SBK1: variants seen among roughly 807,000 people sequenced by gnomAD.
SBK1 encodes serine/threonine-protein kinase SBK1.
SBK1 carries 11 observed loss-of-function variants against 24.4 expected under a neutral mutation model. The ratio of observed to expected loss-of-function variants is 0.45; its 90% CI spans 0.28 to 0.75. The LOEUF is 0.75. Ranked by LOEUF, SBK1 falls within the 30% of genes least tolerant of loss-of-function variation. The pLI is 0.12. For missense variants in SBK1, 467 were observed against 620.5 expected, an observed-to-expected ratio of 0.75 and a Z score of 2.63; for synonymous variants, 308 against 284.4, an observed-to-expected ratio of 1.08 and a Z score of -0.83.
chr16:28,262,069 A>G (rs1474694135), intron 1 of SBK1, among the ~76,000 whole-genome samples: 3 of 152,196 alleles, frequency 2.0e-5, no homozygotes, highest in African/African-American at 7.2e-5. Flanking sequence ...AGCTAAAAAT[A>G]CTGAGTGATG....
intron 1 of SBK1, among the ~76,000 whole-genome samples, chr16:28,303,078 A>C (rs1202238094): frequency 1.3e-5 from 2 of 149,756 alleles, no homozygotes; most frequent in East Asian, 4.0e-4. Flanking sequence ...AGGCAGAAGG[A>C]CTTGCCCCCA....
chr16:28,308,249 C>A (rs1022871772), intron 1 of SBK1, among the ~76,000 whole-genome samples: 1 of 152,120 alleles, frequency 6.6e-6, no homozygotes, highest in African/African-American at 2.4e-5. Context: ...CTCCCGGGTT[C>A]GTGCAATTCT....
At chr16:28,285,632 C>T (rs967116249) in intron 1 of SBK1, 2 of 152,220 alleles carry the variant, frequency 1.3e-5, no homozygotes, top group South Asian at 2.1e-4. Context: ...TCCTTGGTGC[C>T]GTCCCGAGGG....
chr16:28,281,888 G>C (rs1346691590), intron 1 of SBK1, among the ~76,000 whole-genome samples: 1 of 152,094 alleles, frequency 6.6e-6, no homozygotes, highest in Admixed American at 6.5e-5. Flanking sequence ...CAAATGGACC[G>C]GGCTGGGAAG....
At chr16:28,258,762 T>A (rs1291043300), upstream of SBK1, 1 of 152,238 alleles carries the variant, frequency 6.6e-6, no homozygotes, top group Non-Finnish European at 1.5e-5. Flanking sequence ...ACTCCAGGGG[T>A]CAGAACTTTT....
In SBK1 at chr16:28,322,400, G is replaced by A. The variant is rs2044857916; in HGVS notation, c.*1479G>A. The A allele has an allele frequency of 6.5e-6, 1 of 152,712 alleles. No individual in the cohort carries two copies. The highest frequency in any genetic ancestry group is 1.5e-5 in the Non-Finnish European group (1 of 68,152). The allele number at this position is 152,712 out of a possible 1,614,324, so 9.5% of individuals were successfully genotyped here. The stretch of plus-strand genomic sequence containing the variant: ...GGACCCCCGCAATAAGCACCACATG[G>A]GTGAGGCTGTCCCTGTCAGGGTCCC... On this transcript the variant is annotated 3_prime_UTR_variant, in exon 4 of 4. Coordinates refer to ENST00000341901, the MANE Select transcript of SBK1 (RefSeq NM_001024401.3).
At chr16:28,281,892 T>G (rs989684390) in intron 1 of SBK1, among the ~76,000 whole-genome samples, 1 of 151,914 alleles carries the variant, frequency 6.6e-6, no homozygotes, top group Non-Finnish European at 1.5e-5. Flanking sequence ...TGGACCGGGC[T>G]GGGAAGAGCC....
In SBK1 at chr16:28,292,637, G is replaced by T. The variant is rs2044608663; in HGVS notation, c.-671G>T. ...CCGGGCCAGGCCGGGGGCCGGGAGCGCAGGGCCGGGCTGCTCGTAGCGGCG... is the reference window on the plus strand; with the variant it reads ...CCGGGCCAGGCCGGGGGCCGGGAGCTCAGGGCCGGGCTGCTCGTAGCGGCG... On this transcript the variant is annotated 5_prime_UTR_variant, in exon 1 of 4. Coordinates refer to ENST00000341901, the MANE Select transcript of SBK1 (RefSeq NM_001024401.3). 1 of 982,950 alleles carries T rather than the reference G, an allele frequency of 1.0e-6. No individual in the cohort carries two copies. Among genetic ancestry groups the T allele is most frequent in the South Asian group, 4.7e-5 (1 of 21,280 alleles). 60.9% of individuals were successfully genotyped at this position (982,950 alleles called of 1,614,324 possible). A position where few individuals can be genotyped will look rare whatever the true frequency, so the allele number is the denominator to read the frequency against.
At position 28,321,505 on chromosome 16, in the gene SBK1, C is replaced by T. The variant is rs546409862; in HGVS notation, c.*584C>T. 1.3e-5 allele frequency: 2 copies of T among 153,224 alleles called. No homozygotes were observed. The highest frequency in any genetic ancestry group is 4.1e-4 in the South Asian group (2 of 4,842). 9.5% of individuals were successfully genotyped at this position (153,224 alleles called of 1,614,324 possible). Reference sequence around the variant, plus strand: ...GCGAAGGGCAGCTGTGTCCTGCCCTCCCTTCTGGAGGCTGGAGGGGAGAGG... The same window carrying T: ...GCGAAGGGCAGCTGTGTCCTGCCCTTCCTTCTGGAGGCTGGAGGGGAGAGG... On this transcript the variant is annotated 3_prime_UTR_variant, in exon 4 of 4. Coordinates refer to ENST00000341901, the MANE Select transcript of SBK1 (RefSeq NM_001024401.3).
At chr16:28,297,200 A>T (rs1196860629) in intron 1 of SBK1, among the ~76,000 whole-genome samples, 2 of 152,112 alleles carry the variant, frequency 1.3e-5, no homozygotes, top group East Asian at 3.9e-4. Context: ...GTGCGGTGGC[A>T]TATTCCTGTA....
chr16:28,309,689 G>C (rs774653042), intron 1 of SBK1, among the ~76,000 whole-genome samples: 1 of 152,050 alleles, frequency 6.6e-6, no homozygotes, highest in Admixed American at 6.6e-5. Context: ...TTGAGCCTGG[G>C]GGTTCAAGAC....
Position 28,320,970 on chromosome 16 carries a change from G to A in SBK1, c.*49G>A. The A allele has an allele frequency of 7.4e-7, 1 of 1,342,370 alleles. No individual in the cohort carries two copies. The highest frequency in any genetic ancestry group is 3.9e-5 in the Admixed American group (1 of 25,344). 83.2% of individuals were successfully genotyped at this position (1,342,370 alleles called of 1,614,324 possible). Reference sequence around the variant, plus strand: ...CGGGAGCAGCCCGGGCCCGCCCCGAGCCGGTGCCCGGTGCGGCGGTAGGGA... The same window carrying A: ...CGGGAGCAGCCCGGGCCCGCCCCGAACCGGTGCCCGGTGCGGCGGTAGGGA... On this transcript the variant is annotated 3_prime_UTR_variant, in exon 4 of 4. Coordinates refer to ENST00000341901, the MANE Select transcript of SBK1 (RefSeq NM_001024401.3). The surrounding 1 kb of genome is among the most constrained non-coding windows in gnomAD (Gnocchi z 8.5).
chr16:28,269,037 T>C (rs1238977272), intron 1 of SBK1, among the ~76,000 whole-genome samples: 1 of 149,562 alleles, frequency 6.7e-6, no homozygotes, highest in South Asian at 2.1e-4. Context: ...CTTTCCTTTT[T>C]TTTTTTTTTT....
intron 1 of SBK1, among the ~76,000 whole-genome samples, chr16:28,294,485 C>T (rs578171022): frequency 9.2e-5 from 14 of 152,344 alleles, no homozygotes; most frequent in African/African-American, 3.4e-4. Flanking sequence ...TCGCCAATGT[C>T]TGTGATGGAC....
rs1354490889 is a variant in SBK1, at chr16:28,317,371, C to T, written c.-7-14C>T. 1 of 1,600,676 alleles carries T rather than the reference C, an allele frequency of 6.2e-7. No individual in the cohort carries two copies. The highest frequency in any genetic ancestry group is 8.6e-7 in the Non-Finnish European group (1 of 1,168,268). On this transcript the variant is annotated splice_polypyrimidine_tract_variant and intron_variant, in intron 1 of 3. Transcript: ENST00000341901. The surrounding 1 kb of genome is among the most constrained non-coding windows in gnomAD (Gnocchi z 4.2). ...CTGATGTCACACTTCATGCTCACCACCCCTACCCAACAGGGAGAAGATGAG... is the reference window on the plus strand; with the variant it reads ...CTGATGTCACACTTCATGCTCACCATCCCTACCCAACAGGGAGAAGATGAG...
chr16:28,314,152 A>G (rs1428392289), intron 1 of SBK1, among the ~76,000 whole-genome samples: 3 of 30,562 alleles, frequency 9.8e-5, no homozygotes, highest in African/African-American at 1.8e-4. Flanking sequence ...TATTATTGTT[A>G]TTATTATTAT....
chr16:28,314,992 A>G (rs1262012161), intron 1 of SBK1, among the ~76,000 whole-genome samples: 1 of 152,074 alleles, frequency 6.6e-6, no homozygotes, highest in East Asian at 1.9e-4. Flanking sequence ...AAAAAAGGGA[A>G]AAAAGGGAGA....
chr16:28,320,848 G>A lies in SBK1; in HGVS notation c.1202G>A (p.Gly401Asp), dbSNP rs1253420174. ...GGCCTAGCTCCCCAGGGGCCCCCCG[G>A]CCGGACCGACGGCCGCGCGGACAAG... Reference protein sequence around the residue: ...EPGLAPQGPPGRTDGRADKSK... With the variant: ...EPGLAPQGPPDRTDGRADKSK... Residue 401 changes from glycine to aspartate, a missense_variant, in exon 4 of 4, where the codon GGC becomes GAC. Physicochemically the swap from Gly to Asp is moderately conservative, Grantham distance 94. This residue lies in a region of SBK1 where 166 missense variants were observed against 146.8 expected (regional missense o/e 1.13). Coordinates refer to ENST00000341901, the MANE Select transcript of SBK1 (RefSeq NM_001024401.3). This position sits in a 1 kb window ranked among gnomAD's most constrained non-coding sequence, Gnocchi z 8.5. 6.8e-6 allele frequency: 10 copies of A among 1,477,604 alleles called. No homozygotes were observed. The highest frequency in any genetic ancestry group is 6.1e-5 in the South Asian group (5 of 81,542). The allele number at this position is 1,477,604 out of a possible 1,614,324, so 91.5% of individuals were successfully genotyped here.
intron 1 of SBK1, among the ~76,000 whole-genome samples, chr16:28,271,671 AG>A (rs2044466693): frequency 6.6e-6 from 1 of 152,236 alleles, no homozygotes; most frequent in Non-Finnish European, 1.5e-5. Context: ...GATCTCTTCA[AG>A]GAGATGAAAT....
Sources: gnomAD v4.1 joint callset for allele counts (sites outside exome capture counted in the v4.1 genomes callset) on GRCh38, gnomAD v4.1.1 for gene constraint, gnomAD v4.1.1 regional missense constraint, Gnocchi (gnomAD v3.1) non-coding constraint, MANE v1.5 for transcripts, NCBI Gene and HGNC (gene_info 2026-07-23, HGNC 2026-07-21) for gene names.